The following CSMD1 variants were observed in gnomAD, a reference collection of about 807,000 sequenced individuals.
CSMD1 encodes the protein CUB and sushi domain-containing protein 1.
CSMD1 carries 213 observed loss-of-function variants against 417.5 expected under a neutral mutation model. The ratio of observed to expected loss-of-function variants is 0.51; its 90% CI spans 0.46 to 0.57. CSMD1 has a LOEUF of 0.57. Ranked by LOEUF, CSMD1 falls within the 20% of genes least tolerant of loss-of-function variation. The pLI, the probability that CSMD1 is intolerant of heterozygous loss-of-function variation, is 0.00. For missense variants in CSMD1, 6,923 were observed against 4,529.7 expected (o/e 1.53, Z -15.17); for synonymous variants, 2,862 against 1,736.8 (o/e 1.65, Z -16.11).
intron 37 of CSMD1, among the ~76,000 whole-genome samples, chr8:3,166,698 C>T (rs1820240659): frequency 6.6e-6 from 1 of 151,868 alleles, no homozygotes; most frequent in Non-Finnish European, 1.5e-5. Flanking sequence ...TAGAAATAGA[C>T]ATTTATAAGT....
chr8:3,273,849 C>A (rs1018742598), intron 26 of CSMD1, among the ~76,000 whole-genome samples: 1 of 151,854 alleles, frequency 6.6e-6, no homozygotes, highest in African/African-American at 2.4e-5. Flanking sequence ...TAGTGGTCTA[C>A]CAATTTTGTG....
chr8:4,334,702 C>T (rs1318010753), intron 3 of CSMD1, among the ~76,000 whole-genome samples: 2 of 152,066 alleles, frequency 1.3e-5, no homozygotes, highest in East Asian at 1.9e-4. Flanking sequence ...CAATTCTTAC[C>T]ATGAAAAATA....
At chr8:3,379,999 C>CA (rs1457039873) in intron 18 of CSMD1, among the ~76,000 whole-genome samples, 1 of 152,120 alleles carries the variant, frequency 6.6e-6, no homozygotes, top group African/African-American at 2.4e-5. Flanking sequence ...ATCCATCTGA[C>CA]AAAGGGCTAA....
intron 5 of CSMD1, among the ~76,000 whole-genome samples, chr8:3,833,733 C>G (rs548359239): frequency 6.6e-6 from 1 of 152,224 alleles, no homozygotes; most frequent in South Asian, 2.1e-4. Flanking sequence ...TATGTTGGCA[C>G]TTACATGGAT....
At chr8:3,630,254 A>C (rs1004840465) in intron 7 of CSMD1, among the ~76,000 whole-genome samples, 5 of 152,172 alleles carry the variant, frequency 3.3e-5, no homozygotes, top group Non-Finnish European at 5.9e-5. Flanking sequence ...ATAGGGTCAC[A>C]GTTGGACTCT....
At chr8:4,983,575 G>T (rs1312387575) in intron 1 of CSMD1, among the ~76,000 whole-genome samples, 2 of 152,126 alleles carry the variant, frequency 1.3e-5, no homozygotes, top group African/African-American at 4.8e-5. Context: ...CAGGCTGGAA[G>T]GCAGTGGTGC....
At chr8:3,348,478 G>A (rs182337434) in intron 21 of CSMD1, among the ~76,000 whole-genome samples, 192 of 152,250 alleles carry the variant, frequency 1.3e-3, no homozygotes, top group African/African-American at 4.0e-3. Flanking sequence ...TGGCTGTGTC[G>A]TCAGGTTGTC....
At position 3,653,469 on chromosome 8, in the gene CSMD1, C is replaced by T. The variant is rs372395710; in HGVS notation, c.1010-36672G>A. Among the ~76,000 whole-genome samples the T allele has an allele frequency of 4.6e-5, 7 of 152,028 alleles. No homozygotes were observed. In the East Asian group the frequency reaches 9.6e-4, roughly 21 times the overall value. On this transcript the variant is annotated intron_variant, in intron 7 of 69. Transcript: ENST00000635120. ...GATTATAGGTGCCCAACACCACACC[C>T]GGCTATTTTTCATATTTTTAATAGA...
chr8:4,187,711 T>C (rs1272129008), intron 3 of CSMD1, among the ~76,000 whole-genome samples: 2 of 148,188 alleles, frequency 1.3e-5, no homozygotes, highest in Non-Finnish European at 3.0e-5. Flanking sequence ...AGGAAGTTTA[T>C]TCTAGTTAGT....
At chr8:4,244,004 G>A (rs1397845203) in intron 3 of CSMD1, among the ~76,000 whole-genome samples, 1 of 152,168 alleles carries the variant, frequency 6.6e-6, no homozygotes, top group Non-Finnish European at 1.5e-5. Flanking sequence ...CCCTGCCATG[G>A]AGTGGGAAGC....
chr8:3,378,192 A>G (rs1001533564), intron 18 of CSMD1, among the ~76,000 whole-genome samples: 2 of 152,242 alleles, frequency 1.3e-5, no homozygotes, highest in South Asian at 2.1e-4. Context: ...AGTCTTGGCT[A>G]AACCAGGAAG....
intron 2 of CSMD1, among the ~76,000 whole-genome samples, chr8:4,491,836 T>A (rs1472685599): frequency 6.6e-6 from 1 of 152,104 alleles, no homozygotes; most frequent in East Asian, 1.9e-4. Context: ...CTAAACACAG[T>A]CTTACTGTAC....
chr8:4,084,175 G>T (rs185131552), intron 3 of CSMD1, among the ~76,000 whole-genome samples: 2 of 151,992 alleles, frequency 1.3e-5, no homozygotes, highest in East Asian at 1.9e-4. Context: ...AAAAGAGAAA[G>T]AATTTTAAAA....
At chr8:3,005,827 C>A (rs868527605) in intron 52 of CSMD1, among the ~76,000 whole-genome samples, 72 of 152,164 alleles carry the variant, frequency 4.7e-4, no homozygotes, top group Middle Eastern at 3.4e-3. Flanking sequence ...ACTGAATGGG[C>A]AAAAACTGGA....
chr8:3,505,308 G>C (rs1285201179), intron 10 of CSMD1, among the ~76,000 whole-genome samples: 1 of 152,154 alleles, frequency 6.6e-6, no homozygotes, highest in Non-Finnish European at 1.5e-5. Context: ...TGTGTGGAGT[G>C]ACCGCTGAAA....
At chr8:3,322,716 T>C (rs1265669585) in intron 23 of CSMD1, among the ~76,000 whole-genome samples, 3 of 152,234 alleles carry the variant, frequency 2.0e-5, no homozygotes, top group African/African-American at 4.8e-5. Flanking sequence ...CCACAGCCAG[T>C]GGGGCAAGGT....
At chr8:4,828,229 A>T (rs1190068897) in intron 1 of CSMD1, among the ~76,000 whole-genome samples, 1 of 152,188 alleles carries the variant, frequency 6.6e-6, no homozygotes, top group Non-Finnish European at 1.5e-5. Flanking sequence ...CTACATGCTA[A>T]GCCAATATTA....
At chr8:3,555,051 G>C (rs1462807373) in intron 10 of CSMD1, among the ~76,000 whole-genome samples, 3 of 152,098 alleles carry the variant, frequency 2.0e-5, no homozygotes, top group Non-Finnish European at 4.4e-5. Context: ...CTCCGCCAGG[G>C]AAGGCTAAGG....
intron 4 of CSMD1, among the ~76,000 whole-genome samples, chr8:4,021,339 G>T (rs1796778972): frequency 6.6e-6 from 1 of 152,172 alleles, no homozygotes; most frequent in South Asian, 2.1e-4. Flanking sequence ...TATTTCACTT[G>T]TTTCATGTCA....
Sources: gnomAD v4.1 joint callset for allele counts (sites outside exome capture counted in the v4.1 genomes callset) on GRCh38, gnomAD v4.1.1 for gene constraint, MANE v1.5 for transcripts, NCBI Gene and HGNC (gene_info 2026-07-23, HGNC 2026-07-21) for gene names.